EPHA7: variants seen among roughly 807,000 people sequenced by gnomAD.
The protein encoded by EPHA7 is ephrin type-A receptor 7.
A neutral mutation model predicts 112.6 loss-of-function variants in EPHA7; 25 were observed. The observed-to-expected ratio is 0.22, with a 90% CI of 0.16 to 0.31. The LOEUF (loss-of-function observed/expected upper bound fraction) is 0.31, where lower values mean the gene tolerates loss of function less well. EPHA7 is among the 10% of genes least tolerant of loss of function. EPHA7 has a pLI of 1.00. For synonymous variants in EPHA7, 437 were observed against 406.5 expected (o/e 1.07, Z -0.90); for missense variants, 962 against 1,212.6 (o/e 0.79, Z 3.07).
chr6:93,403,671 A>AG (rs1276788594), intron 3 of EPHA7, among the ~76,000 whole-genome samples: 1 of 151,916 alleles, frequency 6.6e-6, no homozygotes, highest in Non-Finnish European at 1.5e-5. Context: ...TAAAAAAAAA[A>AG]AAAAAAGAAA....
intron 5 of EPHA7, among the ~76,000 whole-genome samples, chr6:93,311,144 A>G (rs1305708008): frequency 1.6e-5 from 1 of 63,138 alleles, no homozygotes; most frequent in Non-Finnish European, 3.0e-5. Flanking sequence ...TTTTTTTTAC[A>G]GAGATTGTAA....
chr6:93,344,652 G>T (rs1390926302), intron 5 of EPHA7, among the ~76,000 whole-genome samples: 1 of 151,592 alleles, frequency 6.6e-6, no homozygotes, highest in African/African-American at 2.4e-5. Flanking sequence ...CAAGTTATCA[G>T]TAAAAACTGT....
chr6:93,312,163 C>T (rs1032020324), intron 5 of EPHA7, among the ~76,000 whole-genome samples: 1 of 152,068 alleles, frequency 6.6e-6, no homozygotes, highest in Non-Finnish European at 1.5e-5. Context: ...TGCATTTAGC[C>T]CTTAAAAAGA....
chr6:93,390,745 A>C (rs1232568216), intron 3 of EPHA7, among the ~76,000 whole-genome samples: 1 of 151,924 alleles, frequency 6.6e-6, no homozygotes. Flanking sequence ...TTAATTTCTC[A>C]AATGGAGTTG....
intron 5 of EPHA7, among the ~76,000 whole-genome samples, chr6:93,346,623 T>C (rs553676067): frequency 1.3e-5 from 2 of 151,954 alleles, no homozygotes; most frequent in East Asian, 3.9e-4. Flanking sequence ...AAAAAGAGAC[T>C]GTATTCAATA....
At chr6:93,409,750 T>A (rs1778884373) in intron 3 of EPHA7, 1 of 151,680 alleles carries the variant, frequency 6.6e-6, no homozygotes, top group South Asian at 2.1e-4. Flanking sequence ...TTTAGCCACA[T>A]AATGCTAGGA....
chr6:93,303,958 T>G (rs914863078), intron 5 of EPHA7, among the ~76,000 whole-genome samples: 1 of 152,100 alleles, frequency 6.6e-6, no homozygotes, highest in African/African-American at 2.4e-5. Context: ...GCTTCTCACA[T>G]GCTGCAAGAC....
intron 5 of EPHA7, 108 bp downstream of exon 5, chr6:93,356,609 G>A: frequency 1.9e-6 from 2 of 1,029,868 alleles, no homozygotes; most frequent in Non-Finnish European, 2.9e-6. Flanking sequence ...TAATCAACAA[G>A]CTGGAAGAAT....
At chr6:93,252,199 G>C (rs1326301885) in intron 14 of EPHA7, among the ~76,000 whole-genome samples, 2 of 151,994 alleles carry the variant, frequency 1.3e-5, no homozygotes, top group Non-Finnish European at 2.9e-5. Flanking sequence ...GCCTGGAACT[G>C]TGTGGACTTG....
chr6:93,324,979 G>GA (rs1014290102), intron 5 of EPHA7, among the ~76,000 whole-genome samples: 1 of 151,274 alleles, frequency 6.6e-6, no homozygotes, highest in East Asian at 1.9e-4. Flanking sequence ...TAACAATCCT[G>GA]AAAAAAGGCA....
intron 1 of EPHA7, among the ~76,000 whole-genome samples, chr6:93,417,877 C>G (rs985937646): frequency 4.6e-5 from 7 of 151,986 alleles, no homozygotes; most frequent in Non-Finnish European, 1.0e-4. Context: ...GTCAGAAGGT[C>G]AGGCTGAAAG....
intron 3 of EPHA7, among the ~76,000 whole-genome samples, chr6:93,407,065 A>G (rs1473063743): frequency 6.6e-6 from 1 of 152,008 alleles, no homozygotes; most frequent in Non-Finnish European, 1.5e-5. Context: ...AGTTCTCCAC[A>G]TATTAGACTT....
chr6:93,352,236 A>C (rs17739233), intron 5 of EPHA7, among the ~76,000 whole-genome samples: 2,976 of 152,252 alleles, frequency 0.02, 40 homozygotes, highest in South Asian at 0.033. Flanking sequence ...AATTGCTTAA[A>C]TAATCCCAGA....
rs1237459046 is a variant in EPHA7, at chr6:93,255,867, T to G, written c.2343A>C (p.Arg781=). ...VCKVSDFGLS[R]VIEDDPEAVY... ...CAGCTTCTGGATCATCCTCTATAAC[T>G]CGGGACAGGCCAAAATCTGACACTT... Residue 781 remains arginine (R), a synonymous_variant, in exon 13 of 17, where the codon CGA becomes CGC. Transcript: ENST00000369303. 3 of 1,614,076 alleles carry G rather than the reference T, an allele frequency of 1.9e-6. No homozygotes were observed. Among genetic ancestry groups the G allele is most frequent in the Non-Finnish European group, 2.5e-6 (3 of 1,179,990 alleles).
intron 4 of EPHA7, among the ~76,000 whole-genome samples, chr6:93,357,283 A>G (rs1775997428): frequency 6.6e-6 from 1 of 152,180 alleles, no homozygotes; most frequent in African/African-American, 2.4e-5. Context: ...TTTCCTTTTA[A>G]TACGTCAAAA....
chr6:93,253,977 A>T (rs2063050695), intron 14 of EPHA7, among the ~76,000 whole-genome samples: 1 of 152,020 alleles, frequency 6.6e-6, no homozygotes, highest in Non-Finnish European at 1.5e-5. Context: ...TTGGTGTGAG[A>T]TGTATACACG....
Position 93,343,429 on chromosome 6 carries a change from G to A in EPHA7, c.1324+13288C>T, listed in dbSNP as rs73755389. Among the ~76,000 whole-genome samples, 1,263 of 151,710 alleles carry A rather than the reference G, an allele frequency of 8.3e-3. 17 individuals carry two copies. The highest frequency in any genetic ancestry group is 0.028 in the African/African-American group (1,159 of 41,484). On this transcript the variant is annotated intron_variant, in intron 5 of 16. Transcript: ENST00000369303. ...ATGTAGATTTTAGATATGTAAATTG[G>A]ATATACAGGGTTTGTGTTTGAAGTG...
At chr6:93,317,198 T>G (rs1773856056) in intron 5 of EPHA7, among the ~76,000 whole-genome samples, 1 of 152,158 alleles carries the variant, frequency 6.6e-6, no homozygotes. Context: ...TGTAAAATAT[T>G]CTTGCAGAAA....
intron 5 of EPHA7, among the ~76,000 whole-genome samples, chr6:93,312,101 C>T (rs1773572321): frequency 6.6e-6 from 1 of 152,078 alleles, no homozygotes; most frequent in South Asian, 2.1e-4. Context: ...TTTAAGGGCC[C>T]TAAGATTTCT....
Sources: gnomAD v4.1 joint callset for allele counts (sites outside exome capture counted in the v4.1 genomes callset) on GRCh38, gnomAD v4.1.1 for gene constraint, MANE v1.5 for transcripts, NCBI Gene and HGNC (gene_info 2026-07-23, HGNC 2026-07-21) for gene names.